Variants in EZH2 observed in about 807,000 individuals in gnomAD.
EZH2 encodes the protein histone-lysine N-methyltransferase EZH2.
In EZH2, 18 loss-of-function variants were observed where a neutral mutation model predicts 98.4. The observed-to-expected ratio is 0.18, with a 90% CI of 0.13 to 0.27. The LOEUF is 0.27. Among genes scored for constraint, EZH2 ranks in the 10% least tolerant of loss-of-function variants. The probability of loss-of-function intolerance (pLI) is 1.00; values close to 1 mark genes in which losing one functional copy is unlikely to be tolerated. For missense variants in EZH2, 470 were observed against 935.1 expected, an observed-to-expected ratio of 0.50 and a Z score of 6.49; for synonymous variants, 338 against 312.3, an observed-to-expected ratio of 1.08 and a Z score of -0.87.
chr7:148,850,262 C>T (rs112669729), intron 1 of EZH2, among the ~76,000 whole-genome samples: 27 of 152,286 alleles, frequency 1.8e-4, no homozygotes, highest in African/African-American at 6.5e-4. Flanking sequence ...TTGTGATCCA[C>T]CCGCCTCAGC....
At chr7:148,857,312 A>AAACC (rs764218272) in intron 1 of EZH2, among the ~76,000 whole-genome samples, 24 of 152,360 alleles carry the variant, frequency 1.6e-4, no homozygotes, top group South Asian at 8.3e-4. Flanking sequence ...TTGGATCCTG[A>AAACC]AACCAACCAA....
At chr7:148,877,122 T>A (rs1274625244) in intron 1 of EZH2, among the ~76,000 whole-genome samples, 1 of 152,100 alleles carries the variant, frequency 6.6e-6, no homozygotes, top group Non-Finnish European at 1.5e-5. Context: ...TAGAACCAAA[T>A]AACTTGGTCC....
At chr7:148,833,248 G>A (rs1338843219) in intron 3 of EZH2, among the ~76,000 whole-genome samples, 1 of 151,940 alleles carries the variant, frequency 6.6e-6, no homozygotes, top group Non-Finnish European at 1.5e-5. Context: ...CACGAGGTCA[G>A]GAGATCGAGA....
chr7:148,879,225 CA>C (rs1820604875), intron 1 of EZH2, among the ~76,000 whole-genome samples: 1 of 140,688 alleles, frequency 7.1e-6, no homozygotes, highest in African/African-American at 3.2e-5. Context: ...GACTCCATAT[CA>C]AAAAACAAAA....
chr7:148,843,583 G>GTTTTTTTTT lies in EZH2; in HGVS notation c.246+2878_246+2886dup, dbSNP rs1157236882. 3.1e-5 allele frequency among the ~76,000 whole-genome samples: 2 copies of GTTTTTTTTT among 64,340 alleles called. 1 individual carries two copies. Among genetic ancestry groups the GTTTTTTTTT allele is most frequent in the African/African-American group, 1.4e-4 (2 of 14,192 alleles). 42.2% of individuals were successfully genotyped at this position (64,340 alleles called of 152,430 possible). A position where few individuals can be genotyped will look rare whatever the true frequency, so the allele number is the denominator to read the frequency against. On this transcript the variant is annotated intron_variant, in intron 3 of 19. Transcript: ENST00000320356. ...TCTACAACTACAAATGGGAGTATAA[G>GTTTTTTTTT]TTTTTTTTTTTTTTTTTTTTTTTTT...
chr7:148,864,983 C>T (rs867155849), intron 1 of EZH2, among the ~76,000 whole-genome samples: 4 of 151,962 alleles, frequency 2.6e-5, no homozygotes, highest in Non-Finnish European at 2.9e-5. Context: ...AAAAATTAGC[C>T]GGGTATGGTG....
intron 19 of EZH2, among the ~76,000 whole-genome samples, chr7:148,808,339 C>A (rs1409727730): frequency 1.3e-5 from 2 of 152,208 alleles, no homozygotes; most frequent in South Asian, 4.1e-4. Context: ...CGCTGCTGTG[C>A]AACAGCCATT....
At chr7:148,883,586 G>A (rs1439463585) in intron 1 of EZH2, 3 of 149,870 alleles carry the variant, frequency 2.0e-5, no homozygotes, top group Non-Finnish European at 4.5e-5. Flanking sequence ...GCCGAGCCCT[G>A]CCCACCCCGG....
chr7:148,857,735 A>ATATG (rs1817045680), intron 1 of EZH2, among the ~76,000 whole-genome samples: 1 of 152,168 alleles, frequency 6.6e-6, no homozygotes. Flanking sequence ...TGGGCGACAG[A>ATATG]GCGAGACTCC....
intron 1 of EZH2, 106 bp from the exon 2 acceptor site, chr7:148,847,411 T>C (rs1252978403): frequency 7.3e-7 from 1 of 1,363,676 alleles, no homozygotes; most frequent in African/African-American, 1.5e-5. Flanking sequence ...AAATGACACA[T>C]ATTACACTGT....
In EZH2 at chr7:148,811,739, T is replaced by C. The variant is rs1293859749; in HGVS notation, c.1852-19A>G. 1.2e-6 allele frequency: 2 copies of C among 1,600,536 alleles called. No homozygotes were observed. The highest frequency in any genetic ancestry group is 2.2e-5 in the East Asian group (1 of 44,794). ...ATAGATGCTAGAGAATAAAACACAA[T>C]CACATCATCAAAAAAGGAGGGTGAA... On this transcript the variant is annotated intron_variant, in intron 15 of 19. Transcript: ENST00000320356.
At chr7:148,843,621 C>A (rs113341654) in intron 3 of EZH2, among the ~76,000 whole-genome samples, 94,181 of 117,410 alleles carry the variant, frequency 0.8, 37,748 homozygotes, top group African/African-American at 0.93. Context: ...TTTGAGACAG[C>A]GTCTCGCTCT....
intron 1 of EZH2, among the ~76,000 whole-genome samples, chr7:148,880,036 G>A (rs1191005688): frequency 3.3e-5 from 5 of 152,340 alleles, no homozygotes; most frequent in Admixed American, 2.0e-4. Context: ...TTGAGCCCAG[G>A]AGTTTAAGGA....
At chr7:148,862,356 G>T (rs934376437) in intron 1 of EZH2, among the ~76,000 whole-genome samples, 2 of 152,148 alleles carry the variant, frequency 1.3e-5, no homozygotes, top group Non-Finnish European at 2.9e-5. Context: ...AAATCATGTT[G>T]TTAAACCCAT....
intron 1 of EZH2, among the ~76,000 whole-genome samples, chr7:148,883,707 G>C (rs1468574353): frequency 6.6e-6 from 1 of 151,776 alleles, no homozygotes; most frequent in Non-Finnish European, 1.5e-5. Context: ...CTTTGTCTGA[G>C]TGCGGACTCG....
Position 148,851,344 on chromosome 7 carries a change from C to A in EZH2, c.-7-4039G>T, listed in dbSNP as rs146685401. 2.0e-3 allele frequency among the ~76,000 whole-genome samples: 310 copies of A among 152,202 alleles called. 2 individuals carry two copies. The highest frequency in any genetic ancestry group is 7.1e-3 in the African/African-American group (293 of 41,530). ...CCGGAATTTCTTTTTTAAAAGGAAGCTGATATTGCCTTAAAGACCTTATCC... is the reference window on the plus strand; with the variant it reads ...CCGGAATTTCTTTTTTAAAAGGAAGATGATATTGCCTTAAAGACCTTATCC... On this transcript the variant is annotated intron_variant, in intron 1 of 19. Coordinates refer to ENST00000320356, the MANE Select transcript of EZH2 (RefSeq NM_004456.5).
chr7:148,809,285 C>G (rs777628661), intron 18 of EZH2, 25 bp downstream of exon 18: 2 of 1,596,746 alleles, frequency 1.3e-6, no homozygotes, highest in South Asian at 2.2e-5. Context: ...AAGGGAGTTC[C>G]AATTCTCACG....
Position 148,817,945 on chromosome 7 carries a change from G to A in EZH2, c.1172C>T (p.Thr391Ile), listed in dbSNP as rs1375591963. ...KDTDSDREAG[T>I]ETGGENNDKE... ...ATCATTGTTCTCTCCCCCCGTTTCA[G>A]TCCCTGCTTCCCTATCACTGTCTGT... is the stretch of plus-strand genomic sequence containing the variant. The change falls in exon 10 of 20, where the codon ACT becomes ATT. Residue 391 changes from threonine (T) to isoleucine (I), a missense_variant. Physicochemically the swap from Thr to Ile is moderately conservative, Grantham distance 89 (BLOSUM62 -1). Coordinates refer to ENST00000320356, the MANE Select transcript of EZH2 (RefSeq NM_004456.5). The A allele has an allele frequency of 3.1e-6, 5 of 1,614,022 alleles. No individual in the cohort carries two copies. Among genetic ancestry groups the A allele is most frequent in the Admixed American group, 1.7e-5 (1 of 59,988 alleles).
Position 148,835,618 on chromosome 7 carries a change from C to G in EZH2, c.247-2868G>C, listed in dbSNP as rs78662607. Among the ~76,000 whole-genome samples the G allele has an allele frequency of 9.3e-3, 1,411 of 151,524 alleles. 17 individuals are homozygous for G. The highest frequency in any genetic ancestry group is 0.032 in the African/African-American group (1,339 of 41,238). On this transcript the variant is annotated intron_variant, in intron 3 of 19. Coordinates refer to ENST00000320356, the MANE Select transcript of EZH2 (RefSeq NM_004456.5). ...GATAGTATCAAATACTATCCAGTGA[C>G]TTAAAGTACAAAACAATTTTCATTT...
Sources: gnomAD v4.1 joint callset for allele counts (sites outside exome capture counted in the v4.1 genomes callset) on GRCh38, gnomAD v4.1.1 for gene constraint, MANE v1.5 for transcripts, NCBI Gene and HGNC (gene_info 2026-07-23, HGNC 2026-07-21) for gene names.